Variants in PBX1 observed in about 807,000 individuals in gnomAD.
The protein encoded by PBX1 is pre-B-cell leukemia transcription factor 1.
Under a neutral mutation model 53.4 loss-of-function variants are expected in PBX1, and 6 were observed. The ratio of observed to expected loss-of-function variants is 0.11; its 90% confidence interval spans 0.06 to 0.22. PBX1 has a LOEUF of 0.22. PBX1 is among the 10% of genes least tolerant of loss of function. The pLI is 1.00. For missense variants in PBX1, 251 were observed against 551.4 expected (o/e 0.46, Z 5.46); for synonymous variants, 204 against 212.3 (o/e 0.96, Z 0.34).
At position 164,747,486 on chromosome 1, in the gene PBX1, T is replaced by G. The variant is rs150221094; in HGVS notation, c.266-45008T>G. ...TAACATAACAGTATGTTTCTGTATATTTTGTGTTCTGCTAGATAGACTTTA... is the reference window on the plus strand; with the variant it reads ...TAACATAACAGTATGTTTCTGTATAGTTTGTGTTCTGCTAGATAGACTTTA... On this transcript the variant is annotated intron_variant, in intron 2 of 8. Coordinates refer to ENST00000420696, the MANE Select transcript of PBX1 (RefSeq NM_002585.4). Among the ~76,000 whole-genome samples the G allele has an allele frequency of 1.6e-3, 242 of 152,270 alleles. 5 individuals are homozygous for G. Among genetic ancestry groups the G allele is most frequent in the Non-Finnish European group, 1.3e-4 (9 of 68,010 alleles).
intron 2 of PBX1, chr1:164,625,808 TTAA>T: frequency 3.0e-6 from 1 of 337,922 alleles, no homozygotes; most frequent in Non-Finnish European, 4.2e-6. Context: ...CTGATGGGAT[TTAA>T]AAAAAAAAAA....
chr1:164,626,150 T>G, intron 2 of PBX1: 383 of 881,530 alleles, frequency 4.3e-4, no homozygotes, highest in Middle Eastern at 5.5e-4. Context: ...GAGATGCATA[T>G]ACCATGCCTT....
At chr1:164,774,540 C>A (rs888964027) in intron 2 of PBX1, 1 of 152,172 alleles carries the variant, frequency 6.6e-6, no homozygotes, top group Non-Finnish European at 1.5e-5. Context: ...GGTTAGAGGC[C>A]GTGGGCTGTG....
At chr1:164,654,775 A>G (rs1432953115) in intron 2 of PBX1, among the ~76,000 whole-genome samples, 1 of 152,214 alleles carries the variant, frequency 6.6e-6, no homozygotes, top group Admixed American at 6.5e-5. Context: ...TAGTCAGTCA[A>G]TGGAAGAACC....
intron 2 of PBX1, among the ~76,000 whole-genome samples, chr1:164,718,149 A>G (rs1664208658): frequency 6.6e-6 from 1 of 152,210 alleles, no homozygotes; most frequent in Non-Finnish European, 1.5e-5. Context: ...TTGTGTTTCC[A>G]TTTGGACTTA....
intron 2 of PBX1, chr1:164,652,250 A>T (rs1460004135): frequency 6.6e-6 from 1 of 151,860 alleles, no homozygotes; most frequent in African/African-American, 2.4e-5. Context: ...TAGAGACGGG[A>T]TTTCACCATG....
chr1:164,723,710 A>C (rs1458550141), intron 2 of PBX1, among the ~76,000 whole-genome samples: 1 of 152,160 alleles, frequency 6.6e-6, no homozygotes, highest in African/African-American at 2.4e-5. Flanking sequence ...CCGGAAGCTT[A>C]ATTTTATTAT....
At chr1:164,767,674 T>A (rs183428151) in intron 2 of PBX1, among the ~76,000 whole-genome samples, 2 of 151,938 alleles carry the variant, frequency 1.3e-5, no homozygotes, top group Non-Finnish European at 2.9e-5. Context: ...AAAAAAGGCT[T>A]TCTGTACTCA....
At chr1:164,813,495 A>G (rs543331404) in intron 6 of PBX1, 5 of 152,360 alleles carry the variant, frequency 3.3e-5, no homozygotes, top group African/African-American at 1.2e-4. Context: ...TTCAATAACC[A>G]GAGAGAGTTC....
At chr1:164,865,548 T>C (rs1178949882) in intron 2 of PBX1, among the ~76,000 whole-genome samples, 1 of 152,216 alleles carries the variant, frequency 6.6e-6, no homozygotes, top group East Asian at 1.9e-4. Context: ...TCTACGATTT[T>C]TGCACATACT....
intron 8 of PBX1, among the ~76,000 whole-genome samples, chr1:164,825,079 C>G (rs748850705): frequency 6.6e-6 from 1 of 152,176 alleles, no homozygotes; most frequent in Non-Finnish European, 1.5e-5. Flanking sequence ...ACCTCATCCT[C>G]CTGTCATCAA....
chr1:164,657,728 CTTT>C (rs1454554716), intron 2 of PBX1, among the ~76,000 whole-genome samples: 1 of 152,142 alleles, frequency 6.6e-6, no homozygotes. Flanking sequence ...CCCACTTTTC[CTTT>C]GATAGGGTAC....
intron 2 of PBX1, among the ~76,000 whole-genome samples, chr1:164,617,427 C>G (rs907243605): frequency 2.0e-5 from 3 of 152,202 alleles, no homozygotes; most frequent in South Asian, 4.1e-4. Flanking sequence ...TGGGATCAGA[C>G]ATTATTGCCA....
chr1:164,867,338 C>T (rs1391845932), intron 2 of PBX1, among the ~76,000 whole-genome samples: 1 of 152,168 alleles, frequency 6.6e-6, no homozygotes, highest in African/African-American at 2.4e-5. Context: ...TTCCCAGCAT[C>T]CTACATTTGG....
At chr1:164,597,302 T>G (rs902461032) in intron 2 of PBX1, among the ~76,000 whole-genome samples, 1 of 152,220 alleles carries the variant, frequency 6.6e-6, no homozygotes, top group Non-Finnish European at 1.5e-5. Flanking sequence ...CTTCCCTGTC[T>G]TTTGTGGAAG....
At chr1:164,750,084 G>A (rs1355279853) in intron 2 of PBX1, among the ~76,000 whole-genome samples, 6 of 150,886 alleles carry the variant, frequency 4.0e-5, no homozygotes, top group Non-Finnish European at 7.4e-5. Context: ...GTGACAGAGT[G>A]AGATCCTAAC....
rs572385939 is a variant in PBX1, at chr1:164,875,682, G to T, written n.258-23506G>T. ...ACCGGCAGGCTCAGTCACTGCTTGA[G>T]GTGGACCTTAAGAGAGCTAGCAGGC... is the stretch of plus-strand genomic sequence containing the variant. On this transcript the variant is annotated intron_variant and non_coding_transcript_variant, in intron 2 of 2. Coordinates refer to the PBX1 transcript ENST00000558796. Among the ~76,000 whole-genome samples, 5 of 152,142 alleles carry T rather than the reference G, an allele frequency of 3.3e-5. No homozygotes were observed. The South Asian group carries it at 1.0e-3, about 32-fold the overall frequency.
At chr1:164,774,241 T>C (rs1271047693) in intron 2 of PBX1, among the ~76,000 whole-genome samples, 1 of 152,160 alleles carries the variant, frequency 6.6e-6, no homozygotes, top group African/African-American at 2.4e-5. Flanking sequence ...CTTCAAAAAA[T>C]TCAAAAGTCA....
At position 164,603,929 on chromosome 1, in the gene PBX1, A is replaced by ATTTTTTTTT. The variant is rs71583414; in HGVS notation, c.265+40643_265+40651dup. 8.1e-3 allele frequency among the ~76,000 whole-genome samples: 616 copies of ATTTTTTTTT among 75,698 alleles called. 130 individuals are homozygous for ATTTTTTTTT. The highest frequency in any genetic ancestry group is 0.026 in the East Asian group (41 of 1,576). 49.7% of individuals were successfully genotyped at this position (75,698 alleles called of 152,430 possible). ...GACACTCTGTACATTATGTCATTTC[A>ATTTTTTTTT]TTTTTTTTTTTTTTTTTTTTTTTTT... On this transcript the variant is annotated intron_variant, in intron 2 of 8. Transcript: ENST00000420696.
Sources: allele counts gnomAD v4.1 joint callset (sites outside exome capture counted in the v4.1 genomes callset), GRCh38; gene constraint gnomAD v4.1.1; transcripts MANE v1.5; gene names NCBI Gene and HGNC (gene_info 2026-07-23, HGNC 2026-07-21).